EDNRA: variants seen among roughly 807,000 people sequenced by gnomAD.
EDNRA encodes endothelin-1 receptor.
A neutral mutation model predicts 41.4 loss-of-function variants in EDNRA; 11 were observed. That is an observed-to-expected ratio of 0.27 (90% confidence interval 0.17 to 0.44). The LOEUF is 0.44. Among genes scored for constraint, EDNRA ranks in the 20% least tolerant of loss-of-function variants. The pLI is 1.00. For synonymous variants in EDNRA, 172 were observed against 183.0 expected (o/e 0.94, Z 0.49); for missense variants, 294 against 531.0 (o/e 0.55, Z 4.39).
chr4:147,512,753 C>A (rs1729970533), intron 2 of EDNRA, among the ~76,000 whole-genome samples: 1 of 152,178 alleles, frequency 6.6e-6, no homozygotes, highest in Non-Finnish European at 1.5e-5. Context: ...GGTCACACCA[C>A]CCTCTTCTTC....
intron 3 of EDNRA, among the ~76,000 whole-genome samples, chr4:147,523,031 G>A (rs1730379449): frequency 6.6e-6 from 1 of 152,192 alleles, no homozygotes; most frequent in Admixed American, 6.5e-5. Flanking sequence ...AAGATTTCCT[G>A]ACTGGCATTT....
intron 5 of EDNRA, among the ~76,000 whole-genome samples, chr4:147,538,748 A>G (rs1458573906): frequency 6.6e-6 from 1 of 152,230 alleles, no homozygotes; most frequent in African/African-American, 2.4e-5. Context: ...TCCTTTAGCT[A>G]GAGTAGCGAG....
At chr4:147,520,585 T>C (rs1198515756) in intron 3 of EDNRA, among the ~76,000 whole-genome samples, 1 of 152,272 alleles carries the variant, frequency 6.6e-6, no homozygotes, top group Non-Finnish European at 1.5e-5. Context: ...AACTTCTAGA[T>C]GGTATTTTCT....
chr4:147,485,969 G>A lies in EDNRA; in HGVS notation c.288G>A (p.Val96=). 1 of 1,614,236 alleles carries A rather than the reference G, an allele frequency of 6.2e-7. No individual in the cohort carries two copies. Among genetic ancestry groups the A allele is most frequent in the Non-Finnish European group, 8.5e-7 (1 of 1,180,042 alleles). ...GTACTATTTTCATCGTGGGAATGGTGGGGAATGCAACTCTGCTCAGGATCA... is the reference window on the plus strand; with the variant it reads ...GTACTATTTTCATCGTGGGAATGGTAGGGAATGCAACTCTGCTCAGGATCA... ...ISCTIFIVGM[V]GNATLLRIIY... is the part of the protein sequence containing the mutation. The change falls in exon 2 of 8, where the codon GTG becomes GTA. Residue 96 remains valine, a synonymous_variant. Coordinates refer to ENST00000651419, the MANE Select transcript of EDNRA (RefSeq NM_001957.4).
At chr4:147,509,044 A>G (rs1304252474) in intron 2 of EDNRA, among the ~76,000 whole-genome samples, 1 of 152,218 alleles carries the variant, frequency 6.6e-6, no homozygotes, top group Non-Finnish European at 1.5e-5. Flanking sequence ...CATCTTAATA[A>G]TATCAATTCT....
chr4:147,542,370 C>G, intron 7 of EDNRA, 108 bp from the exon 8 acceptor site: 1 of 1,485,338 alleles, frequency 6.7e-7, no homozygotes, highest in Admixed American at 1.9e-5. Flanking sequence ...TCACTTCCCT[C>G]GAATGCGAAT....
chr4:147,520,151 T>C, intron 3 of EDNRA, among the ~76,000 whole-genome samples, 173 bp downstream of exon 3: 1 of 152,236 alleles, frequency 6.6e-6, no homozygotes, highest in East Asian at 1.9e-4. Context: ...CATTTGCTGA[T>C]TATTAGCCAT....
chr4:147,523,884 T>C (rs1338537449), intron 3 of EDNRA, among the ~76,000 whole-genome samples: 2 of 152,144 alleles, frequency 1.3e-5, no homozygotes, highest in Non-Finnish European at 2.9e-5. Context: ...AGGTCTGACA[T>C]CCCCTTCCCA....
chr4:147,536,797 G>A (rs79080015), intron 5 of EDNRA, among the ~76,000 whole-genome samples: 235 of 152,292 alleles, frequency 1.5e-3, no homozygotes, highest in African/African-American at 5.2e-3. Flanking sequence ...CCTCCTGGGT[G>A]AAATTAGAAC....
intron 2 of EDNRA, among the ~76,000 whole-genome samples, chr4:147,499,251 TC>T (rs2126404663): frequency 6.6e-6 from 1 of 152,282 alleles, no homozygotes; most frequent in African/African-American, 2.4e-5. Context: ...AGATGGGGTC[TC>T]ATTATGTTGC....
chr4:147,485,104 ATGTT>A (rs1728898224), intron 1 of EDNRA, among the ~76,000 whole-genome samples: 1 of 151,910 alleles, frequency 6.6e-6, no homozygotes, highest in Non-Finnish European at 1.5e-5. Context: ...ATTAAAAAAT[ATGTT>A]TGTATCTCAA....
intron 6 of EDNRA, 135 bp downstream of exon 6, chr4:147,540,085 C>A: frequency 8.1e-7 from 1 of 1,233,534 alleles, no homozygotes; most frequent in South Asian, 1.6e-5. Flanking sequence ...TTTTCTTTAG[C>A]TGACATAGCC....
chr4:147,491,736 A>G (rs1729145254), intron 2 of EDNRA: 1 of 152,230 alleles, frequency 6.6e-6, no homozygotes, highest in Admixed American at 6.5e-5. Context: ...CGCATCATCA[A>G]GCAAATAAAA....
intron 2 of EDNRA, chr4:147,495,834 T>G (rs1490074781): frequency 6.6e-6 from 1 of 152,184 alleles, no homozygotes; most frequent in East Asian, 1.9e-4. Context: ...CCTTGGGGGT[T>G]TACCAGATGC....
intron 2 of EDNRA, chr4:147,489,265 T>G (rs1729053175): frequency 6.6e-6 from 1 of 152,186 alleles, no homozygotes; most frequent in African/African-American, 2.4e-5. Context: ...ATCACAAAAA[T>G]AATATACATT....
At chr4:147,494,141 C>T (rs1256857917) in intron 2 of EDNRA, 1 of 152,168 alleles carries the variant, frequency 6.6e-6, no homozygotes, top group Non-Finnish European at 1.5e-5. Flanking sequence ...AAGATGGCAA[C>T]TCATTCACCA....
chr4:147,535,762 T>C (rs1200489024), intron 4 of EDNRA, 115 bp from the exon 5 acceptor site: 6 of 1,313,190 alleles, frequency 4.6e-6, no homozygotes, highest in Non-Finnish European at 6.3e-6. Flanking sequence ...CCAGAGAGCA[T>C]GATTTTACAG....
chr4:147,495,909 C>A (rs1384138026), intron 2 of EDNRA: 1 of 152,138 alleles, frequency 6.6e-6, no homozygotes, highest in Non-Finnish European at 1.5e-5. Flanking sequence ...CTAAACTGAT[C>A]ATTAAAAAGA....
intron 2 of EDNRA, among the ~76,000 whole-genome samples, chr4:147,514,624 C>T (rs1730045737): frequency 6.6e-6 from 1 of 152,036 alleles, no homozygotes; most frequent in Non-Finnish European, 1.5e-5. Flanking sequence ...TAGGCGCGTG[C>T]CACCACACCT....
Sources: allele counts gnomAD v4.1 joint callset (sites outside exome capture counted in the v4.1 genomes callset), GRCh38; gene constraint gnomAD v4.1.1; transcripts MANE v1.5; gene names NCBI Gene and HGNC (gene_info 2026-07-23, HGNC 2026-07-21).